ARHGEF6: variants seen among roughly 807,000 people sequenced by gnomAD.
ARHGEF6 encodes the protein rho guanine nucleotide exchange factor 6.
In ARHGEF6, 9 loss-of-function variants were observed where a neutral mutation model predicts 70.3. That is an observed-to-expected ratio of 0.13 (90% CI 0.08 to 0.22). The LOEUF (loss-of-function observed/expected upper bound fraction) is 0.22. Among genes scored for constraint, ARHGEF6 ranks in the 10% least tolerant of loss-of-function variants. ARHGEF6 has a pLI of 1.00. For missense variants in ARHGEF6, 470 were observed against 563.0 expected (o/e 0.83, Z 1.67); for synonymous variants, 201 against 207.8 (o/e 0.97, Z 0.28).
chrX:136,678,536 T>C lies in ARHGEF6; in HGVS notation c.1831-580A>G, dbSNP rs189842692. 7.1e-5 allele frequency among the ~76,000 whole-genome samples: 8 copies of C among 112,008 alleles called. No individual in the cohort carries two copies. The East Asian group carries it at 2.2e-3, about 31-fold the overall frequency. On this transcript the variant is annotated intron_variant, in intron 16 of 21. Transcript: ENST00000250617. Reference sequence around the variant, plus strand: ...GATTCAGTTCGAGGGTTGTTTGTCCTATCATGTCAAGTTGAAAGGATCAAA... The same window carrying C: ...GATTCAGTTCGAGGGTTGTTTGTCCCATCATGTCAAGTTGAAAGGATCAAA...
intron 6 of ARHGEF6, among the ~76,000 whole-genome samples, chrX:136,716,098 G>A (rs748112982): frequency 7.1e-5 from 8 of 112,220 alleles, no homozygotes; most frequent in African/African-American, 2.3e-4. Context: ...GCGCCATCAC[G>A]CCCAGCTAAT....
At chrX:136,744,678 A>C (rs2077077526) in intron 4 of ARHGEF6, among the ~76,000 whole-genome samples, 1 of 111,936 alleles carries the variant, frequency 8.9e-6, no homozygotes. Flanking sequence ...CCCAAAGAGC[A>C]GAAGATGAGG....
At chrX:136,724,820 A>G (rs746772232) in intron 6 of ARHGEF6, among the ~76,000 whole-genome samples, 2 of 111,945 alleles carry the variant, frequency 1.8e-5, no homozygotes, top group Non-Finnish European at 3.8e-5. Flanking sequence ...TGTTGTCTAT[A>G]ACTGTCATAG....
chrX:136,758,598 C>CTAG (rs1467282273), intron 2 of ARHGEF6, among the ~76,000 whole-genome samples: 3 of 110,543 alleles, frequency 2.7e-5, no homozygotes, highest in Non-Finnish European at 3.8e-5. Context: ...ATCACAGGAG[C>CTAG]TAGTATCTCA....
chrX:136,744,798 T>C (rs915014247), intron 4 of ARHGEF6, among the ~76,000 whole-genome samples: 2 of 111,749 alleles, frequency 1.8e-5, no homozygotes, highest in African/African-American at 6.5e-5. Flanking sequence ...CCTTCCTCAT[T>C]AGGAATGGAA....
chrX:136,720,173 C>A (rs1371745930), intron 6 of ARHGEF6, among the ~76,000 whole-genome samples: 1 of 111,701 alleles, frequency 9.0e-6, no homozygotes, highest in African/African-American at 3.3e-5. Context: ...ATACCCAAAC[C>A]AAAGACATTA....
chrX:136,720,714 C>T (rs929661377), intron 6 of ARHGEF6, among the ~76,000 whole-genome samples: 5 of 111,160 alleles, frequency 4.5e-5, no homozygotes, highest in Non-Finnish European at 9.5e-5. Context: ...GAAATAAAAC[C>T]GTCTTTATTT....
Position 136,742,148 on chromosome X carries a change from A to G in ARHGEF6, c.661+1437T>C, listed in dbSNP as rs1003970714. On this transcript the variant is annotated intron_variant, in intron 5 of 21. Coordinates refer to ENST00000250617, the MANE Select transcript of ARHGEF6 (RefSeq NM_004840.3). ...ATCCTGGCTAACACGGTGAAACCCC[A>G]TCTCTACTAAAAATACAAAATTTAG... 1.1e-4 allele frequency among the ~76,000 whole-genome samples: 12 copies of G among 110,879 alleles called. No homozygotes were observed. The South Asian group carries it at 1.2e-3, about 11-fold the overall frequency.
At chrX:136,686,629 T>C (rs745681490) in intron 11 of ARHGEF6, among the ~76,000 whole-genome samples, 16 of 74,122 alleles carry the variant, frequency 2.2e-4, no homozygotes, top group African/African-American at 9.9e-4. Context: ...TATACACATA[T>C]ATATATATAT....
chrX:136,746,052 A>G (rs1175908270), intron 3 of ARHGEF6, among the ~76,000 whole-genome samples: 1 of 111,864 alleles, frequency 8.9e-6, no homozygotes, highest in Admixed American at 9.5e-5. Context: ...CTCTCCATTT[A>G]TTTTTAAAAG....
In ARHGEF6 at chrX:136,685,763, T is replaced by A; in HGVS notation, c.1306A>T (p.Ile436Phe). 1 of 1,211,347 alleles carries A rather than the reference T, an allele frequency of 8.3e-7. No individual in the cohort carries two copies. Among genetic ancestry groups the A allele is most frequent in the South Asian group, 1.8e-5 (1 of 56,996 alleles). Residue 436 changes from isoleucine (I) to phenylalanine (F), a missense_variant, in exon 12 of 22, where the codon ATT (isoleucine) becomes TTT (phenylalanine). Around this residue, in one of 3 missense-constraint regions of ARHGEF6, gnomAD observed 379 missense variants for 449.3 expected, o/e 0.84. Coordinates refer to ENST00000250617, the MANE Select transcript of ARHGEF6 (RefSeq NM_004840.3). ...QLELQILSEP[I>F]QAWEGEDIKN... is the part of the protein sequence containing the mutation. ...ATATCTTCTCCTTCCCATGCCTGAATAGGTTCGGACAGTATCTGTAACTCC... is the reference window on the plus strand; with the variant it reads ...ATATCTTCTCCTTCCCATGCCTGAAAAGGTTCGGACAGTATCTGTAACTCC...
intron 9 of ARHGEF6, among the ~76,000 whole-genome samples, chrX:136,698,535 G>A (rs1460224904): frequency 8.9e-6 from 1 of 111,994 alleles, no homozygotes; most frequent in African/African-American, 3.2e-5. Flanking sequence ...TCATGGGCTA[G>A]AGAACCTAGA....
intron 5 of ARHGEF6, chrX:136,737,495 A>G (rs2076998547): frequency 2.7e-6 from 2 of 729,449 alleles, no homozygotes; most frequent in Admixed American, 9.3e-5. Flanking sequence ...GTTTCACTAC[A>G]TCACTTTTTT....
intron 9 of ARHGEF6, among the ~76,000 whole-genome samples, chrX:136,696,433 C>A: frequency 9.0e-6 from 1 of 110,572 alleles, no homozygotes; most frequent in South Asian, 3.9e-4. Flanking sequence ...CTCTGGTCAA[C>A]ATAGTGAAAG....
At chrX:136,668,953 C>T (rs1437408529) in intron 21 of ARHGEF6, among the ~76,000 whole-genome samples, 2 of 111,542 alleles carry the variant, frequency 1.8e-5, no homozygotes, top group African/African-American at 6.5e-5. Context: ...TCCTCCCCAG[C>T]CTCATTACCC....
chrX:136,766,056 G>A (rs1384671082), intron 2 of ARHGEF6, among the ~76,000 whole-genome samples: 1 of 112,713 alleles, frequency 8.9e-6, no homozygotes, highest in Non-Finnish European at 1.9e-5. Context: ...AGAAGGGACT[G>A]CAGCATTGCC....
intron 2 of ARHGEF6, among the ~76,000 whole-genome samples, chrX:136,775,323 T>C (rs977522806): frequency 1.2e-4 from 13 of 111,698 alleles, no homozygotes; most frequent in African/African-American, 3.3e-4. Flanking sequence ...CTGAATCCAA[T>C]ACCATATCAA....
intron 9 of ARHGEF6, among the ~76,000 whole-genome samples, chrX:136,693,891 G>A (rs750492788): frequency 9.0e-6 from 1 of 111,426 alleles, no homozygotes; most frequent in South Asian, 3.8e-4. Context: ...GGTCCAAAAG[G>A]GGTGGTGAGG....
chrX:136,677,583 C>T (rs2076293050), intron 17 of ARHGEF6, among the ~76,000 whole-genome samples: 1 of 110,818 alleles, frequency 9.0e-6, no homozygotes, highest in Non-Finnish European at 1.9e-5. Context: ...ATTAATAGTA[C>T]CTTAAAAATA....
Sources: allele counts gnomAD v4.1 joint callset (sites outside exome capture counted in the v4.1 genomes callset), GRCh38; gene constraint gnomAD v4.1.1; regional missense constraint gnomAD v4.1.1; transcripts MANE v1.5; gene names NCBI Gene and HGNC (gene_info 2026-07-23, HGNC 2026-07-21).